Variants in CLNK observed in about 807,000 individuals in gnomAD.
The protein encoded by CLNK is cytokine dependent hematopoietic cell linker.
In CLNK, 74 loss-of-function variants were observed where a neutral mutation model predicts 68.6. That is an observed-to-expected ratio of 1.08 (90% CI 0.89 to 1.31). The LOEUF is 1.31. CLNK is among the 50% of genes most tolerant of loss of function. CLNK has a pLI of 0.00. For missense variants in CLNK, 553 were observed against 515.3 expected, an observed-to-expected ratio of 1.07 and a Z score of -0.71; for synonymous variants, 198 against 172.2, an observed-to-expected ratio of 1.15 and a Z score of -1.17.
At chr4:10,619,315 T>C (rs1203086699) in intron 2 of CLNK, among the ~76,000 whole-genome samples, 1 of 152,218 alleles carries the variant, frequency 6.6e-6, no homozygotes, top group East Asian at 1.9e-4. Context: ...CTCACTCTGG[T>C]TTCAGGAGCT....
chr4:10,597,501 T>A (rs1721430031), intron 3 of CLNK, among the ~76,000 whole-genome samples: 1 of 152,210 alleles, frequency 6.6e-6, no homozygotes. Flanking sequence ...TTTTCAGTAG[T>A]CTATGCAAGT....
intron 16 of CLNK, among the ~76,000 whole-genome samples, chr4:10,508,552 G>A (rs1717415054): frequency 6.6e-6 from 1 of 152,132 alleles, no homozygotes; most frequent in Admixed American, 6.6e-5. Context: ...TTATATCAAT[G>A]TTAAATGATT....
intron 2 of CLNK, among the ~76,000 whole-genome samples, chr4:10,619,536 T>G (rs1309615366): frequency 1.3e-5 from 2 of 152,096 alleles, no homozygotes; most frequent in Non-Finnish European, 2.9e-5. Flanking sequence ...TAATTAAGTG[T>G]TGGAATTAGC....
intron 2 of CLNK, among the ~76,000 whole-genome samples, chr4:10,648,716 G>A (rs1723614680): frequency 1.3e-5 from 2 of 152,158 alleles, no homozygotes; most frequent in African/African-American, 4.8e-5. Flanking sequence ...TGGCTTTCTG[G>A]TTCTGAGTCA....
intron 2 of CLNK, among the ~76,000 whole-genome samples, chr4:10,623,732 T>C (rs1722548962): frequency 6.6e-6 from 1 of 152,254 alleles, no homozygotes; most frequent in Non-Finnish European, 1.5e-5. Context: ...TAGGGACTCC[T>C]TGTTTAGAAG....
chr4:10,680,370 GT>G (rs1725050655), intron 1 of CLNK, among the ~76,000 whole-genome samples: 1 of 124,900 alleles, frequency 8.0e-6, no homozygotes, highest in Non-Finnish European at 1.7e-5. Context: ...CCTGTGGTGG[GT>G]TGGGGGGAGG....
the CLNK span, among the ~76,000 whole-genome samples, chr4:10,729,648 G>A: frequency 2.6e-5 from 4 of 152,266 alleles, no homozygotes; most frequent in Admixed American, 1.3e-4. Flanking sequence ...GAAACTAGAA[G>A]CCATTATCTC....
chr4:10,584,780 C>A, intron 4 of CLNK, 147 bp downstream of exon 4: 2 of 846,588 alleles, frequency 2.4e-6, no homozygotes, highest in Non-Finnish European at 3.8e-6. Flanking sequence ...TACCCTGGGG[C>A]AACTGGAAGG....
At chr4:10,653,586 A>G (rs907688544) in intron 2 of CLNK, among the ~76,000 whole-genome samples, 3 of 152,344 alleles carry the variant, frequency 2.0e-5, no homozygotes, top group Admixed American at 1.3e-4. Context: ...TGAAATATTT[A>G]TAGTAGAACA....
the CLNK span, among the ~76,000 whole-genome samples, chr4:10,705,001 G>A: frequency 3.3e-5 from 5 of 152,180 alleles, no homozygotes; most frequent in Admixed American, 6.5e-5. Flanking sequence ...TGGCCCAAGC[G>A]TGGGGCATGG....
intron 3 of CLNK, among the ~76,000 whole-genome samples, chr4:10,592,306 A>C (rs563925280): frequency 6.6e-6 from 1 of 151,524 alleles, no homozygotes; most frequent in Non-Finnish European, 1.5e-5. Flanking sequence ...ATATTAAAAA[A>C]CAAAAACAAA....
rs186439650 is a variant in CLNK, at chr4:10,558,335, T to C, written c.445+72A>G. 3 of 1,263,798 alleles carry C rather than the reference T, an allele frequency of 2.4e-6. No homozygotes were observed. The East Asian group carries it at 6.9e-5, about 29-fold the overall frequency. The allele number at this position is 1,263,798 out of a possible 1,614,324, so 78.3% of individuals were successfully genotyped here. A position where few individuals can be genotyped will look rare whatever the true frequency, so the allele number is the denominator to read the frequency against. On this transcript the variant is annotated intron_variant, in intron 8 of 18. Coordinates refer to ENST00000226951, the MANE Select transcript of CLNK (RefSeq NM_052964.4). ...GATCACCCATGACCACAAACAGTAA[T>C]GCGAGAGGATCTTAGAAGCAAAATA...
the CLNK span, among the ~76,000 whole-genome samples, chr4:10,725,763 G>T: frequency 3.3e-5 from 5 of 151,970 alleles, no homozygotes. Context: ...GCTGAGGCAG[G>T]AGAATGGCGT....
At chr4:10,504,116 C>CTTTTTTT (rs10660433) in intron 17 of CLNK, among the ~76,000 whole-genome samples, 5 of 67,316 alleles carry the variant, frequency 7.4e-5, no homozygotes, top group Non-Finnish European at 8.1e-5. Flanking sequence ...TCTTTGGGTT[C>CTTTTTTT]TTTTTTTTTT....
chr4:10,663,026 C>T (rs1010357410), intron 2 of CLNK, among the ~76,000 whole-genome samples: 1 of 152,214 alleles, frequency 6.6e-6, no homozygotes, highest in Non-Finnish European at 1.5e-5. Context: ...AGGGCATTGG[C>T]TTACTGGAAA....
chr4:10,667,001 T>A (rs1381401584), intron 2 of CLNK, among the ~76,000 whole-genome samples: 1 of 152,188 alleles, frequency 6.6e-6, no homozygotes, highest in Non-Finnish European at 1.5e-5. Context: ...CCCGCTAGGA[T>A]CAGGACATCC....
At chr4:10,556,861 A>T (rs1465588438) in intron 8 of CLNK, among the ~76,000 whole-genome samples, 1 of 152,084 alleles carries the variant, frequency 6.6e-6, no homozygotes, top group African/African-American at 2.4e-5. Flanking sequence ...GCAGATCACG[A>T]GGTCAGGAGT....
upstream of CLNK, among the ~76,000 whole-genome samples, chr4:10,689,745 A>ATTTTTTTTTTTTTTTTTTG (rs71651341): frequency 1.0e-5 from 1 of 100,094 alleles, no homozygotes; most frequent in Non-Finnish European, 2.0e-5. Flanking sequence ...AAACCCATGC[A>ATTTTTTTTTTTTTTTTTTG]TTTTTTTTTT....
At position 10,571,788 on chromosome 4, in the gene CLNK, C is replaced by T; in HGVS notation, c.113-10G>A. The T allele has an allele frequency of 6.2e-7, 1 of 1,610,692 alleles. No homozygotes were observed. Among genetic ancestry groups the T allele is most frequent in the Admixed American group, 1.7e-5 (1 of 59,996 alleles). ...ATCCTCTGGTACTGGCCTGCCAACA[C>T]AAACAGACCGAGTGTTATTTTAATC... On this transcript the variant is annotated splice_polypyrimidine_tract_variant and intron_variant, in intron 4 of 18. Coordinates refer to ENST00000226951, the MANE Select transcript of CLNK (RefSeq NM_052964.4).
Sources: allele counts gnomAD v4.1 joint callset (sites outside exome capture counted in the v4.1 genomes callset), GRCh38; gene constraint gnomAD v4.1.1; transcripts MANE v1.5; gene names NCBI Gene and HGNC (gene_info 2026-07-23, HGNC 2026-07-21).